Variants in WDR3 observed in about 807,000 individuals in gnomAD.
The protein encoded by WDR3 is WD repeat domain 3.
Under a neutral mutation model 123.7 loss-of-function variants are expected in WDR3, and 81 were observed. That is an observed-to-expected ratio of 0.65 (90% CI 0.55 to 0.79). The LOEUF is 0.79. Ranked by LOEUF, WDR3 falls within the 30% of genes least tolerant of loss-of-function variation. The pLI, the probability that WDR3 is intolerant of heterozygous loss-of-function variation, is 0.00. For missense variants in WDR3, 1,027 were observed against 1,123.2 expected, an observed-to-expected ratio of 0.91 and a Z score of 1.22; for synonymous variants, 390 against 388.8, an observed-to-expected ratio of 1.00 and a Z score of -0.04.
At chr1:117,934,780 G>A in intron 3 of WDR3, 98 bp downstream of exon 3, 1 of 1,215,026 alleles carries the variant, frequency 8.2e-7, no homozygotes, top group South Asian at 1.4e-5. Flanking sequence ...AAAACAATGG[G>A]CTGTCAATAT....
In WDR3 at chr1:117,948,414, C is replaced by CTGCAA. The variant is rs771793834; in HGVS notation, c.1436_1437insATGCA (p.Leu480CysfsTer15). On this transcript the variant is annotated frameshift_variant, in exon 13 of 27. Coordinates refer to ENST00000349139, the MANE Select transcript of WDR3 (RefSeq NM_006784.3). LOFTEE classifies it high-confidence loss of function. ...TTTTGTGTCTTCCCAGACAGGGAAG[C>CTGCAA]TGCAGCTTTATGACTTGGCTTCAGG... is the stretch of plus-strand genomic sequence containing the variant. 1 of 1,613,986 alleles carries CTGCAA rather than the reference C, an allele frequency of 6.2e-7. No individual in the cohort carries two copies. Among genetic ancestry groups the CTGCAA allele is most frequent in the South Asian group, 1.1e-5 (1 of 91,036 alleles).
intron 7 of WDR3, 21 bp from the exon 8 acceptor site, chr1:117,941,103 C>T (rs1480072105): frequency 6.2e-7 from 1 of 1,613,002 alleles, no homozygotes; most frequent in Non-Finnish European, 8.5e-7. Flanking sequence ...TAACCTTCAT[C>T]TGCTCTTGCT....
rs1471064357 is a variant in WDR3, at chr1:117,963,154, T to G, written c.*3707T>G. On this transcript the variant is annotated 3_prime_UTR_variant, in exon 27 of 27. Coordinates refer to ENST00000349139, the MANE Select transcript of WDR3 (RefSeq NM_006784.3). ...ACAGTCACTGAGCCCAACTCTTACA[T>G]AGGGCCTGGCAGTGTTGCCCTTGTG... 6.6e-6 allele frequency: 1 copy of G among 152,158 alleles called. No individual in the cohort carries two copies. Among genetic ancestry groups the G allele is most frequent in the Non-Finnish European group, 1.5e-5 (1 of 68,040 alleles). The allele number at this position is 152,158 out of a possible 1,614,324, so 9.4% of individuals were successfully genotyped here. A position where few individuals can be genotyped will look rare whatever the true frequency, so the allele number is the denominator to read the frequency against.
intron 2 of WDR3, 56 bp downstream of exon 2, chr1:117,933,546 G>T: frequency 6.2e-7 from 1 of 1,602,318 alleles, no homozygotes; most frequent in Non-Finnish European, 8.5e-7. Context: ...GGATGGAGAG[G>T]TAGTAGAAGT....
At chr1:117,943,923 C>T (rs564202055) in intron 11 of WDR3, among the ~76,000 whole-genome samples, 20 of 152,222 alleles carry the variant, frequency 1.3e-4, no homozygotes, top group African/African-American at 4.6e-4. Context: ...GCTGTTATTG[C>T]TGCCCAGTAA....
rs956875008 is a variant in WDR3 at position 117,952,355 on chromosome 1, C to A, written c.1963C>A (p.His655Asn). The change falls in exon 18 of 27, where the codon CAT becomes AAT. Residue 655 changes from histidine to asparagine, a missense_variant. Transcript: ENST00000349139. Reference sequence around the variant, plus strand: ...CCTCTTCTTCACTGCCGGAAAAGATCATAAGATTAAACAGTGGGATGCAGA... The same window carrying A: ...CCTCTTCTTCACTGCCGGAAAAGATAATAAGATTAAACAGTGGGATGCAGA... ...SHLFFTAGKD[H>N]KIKQWDADKF... The A allele has an allele frequency of 6.2e-7, 1 of 1,613,318 alleles. No individual in the cohort carries two copies. Among genetic ancestry groups the A allele is most frequent in the African/African-American group, 1.3e-5 (1 of 74,898 alleles).
intron 1 of WDR3, among the ~76,000 whole-genome samples, chr1:117,932,360 G>C (rs2101188793): frequency 6.6e-6 from 1 of 152,314 alleles, no homozygotes; most frequent in Non-Finnish European, 1.5e-5. Flanking sequence ...AGCATCACTT[G>C]GAAACTTGTT....
In WDR3 at chr1:117,949,755, G is replaced by C. The variant is rs1411877939; in HGVS notation, c.1529G>C (p.Gly510Ala). 6.2e-7 allele frequency: 1 copy of C among 1,612,870 alleles called. No individual in the cohort carries two copies. The highest frequency in any genetic ancestry group is 1.1e-5 in the South Asian group (1 of 90,830). ...WSMSLSPDQR[G>A]FVTGGADKSV... The stretch of plus-strand genomic sequence containing the variant: ...GAAATTTCATTTGATTTTCAGCGTG[G>C]CTTTGTGACAGGTGGTGCAGATAAA... The change falls in exon 14 of 27, where the codon GGC becomes GCC. Residue 510 changes from glycine to alanine, a missense_variant. By Grantham distance (60) the Gly-to-Ala change is moderately conservative (BLOSUM62 0). Coordinates refer to ENST00000349139, the MANE Select transcript of WDR3 (RefSeq NM_006784.3).
intron 12 of WDR3, among the ~76,000 whole-genome samples, chr1:117,947,230 G>T (rs1441343651): frequency 6.6e-6 from 1 of 152,198 alleles, no homozygotes; most frequent in Non-Finnish European, 1.5e-5. Flanking sequence ...AGAGCTGGTA[G>T]CAGACATAGC....
rs747652927 is a variant in WDR3, at chr1:117,952,969, G to T, written c.2175G>T (p.Glu725Asp). The T allele has an allele frequency of 6.2e-7, 1 of 1,613,204 alleles. No homozygotes were observed. The highest frequency in any genetic ancestry group is 1.1e-5 in the South Asian group (1 of 91,040). ...REMEREAEYEESVAKEDQPAV... is the reference protein window; with the variant it reads ...REMEREAEYEDSVAKEDQPAV... Reference sequence around the variant, plus strand: ...AGGAAAGAGAAGCAGAATATGAGGAGAGTGTGGCCAAAGAAGACCAACCAG... The same window carrying T: ...AGGAAAGAGAAGCAGAATATGAGGATAGTGTGGCCAAAGAAGACCAACCAG... The change falls in exon 20 of 27, where the codon GAG becomes GAT. Residue 725 changes from glutamate (E) to aspartate (D), a missense_variant. Coordinates refer to ENST00000349139, the MANE Select transcript of WDR3 (RefSeq NM_006784.3).
At chr1:117,942,636 A>AT in intron 10 of WDR3, 92 bp downstream of exon 10, 1 of 1,157,076 alleles carries the variant, frequency 8.6e-7, no homozygotes. Context: ...GTCTGTATGA[A>AT]TTATATATGT....
chr1:117,933,372 T>A lies in WDR3; in HGVS notation c.53T>A (p.Val18Asp). The A allele has an allele frequency of 6.2e-7, 1 of 1,614,188 alleles. No homozygotes were observed. Among genetic ancestry groups the A allele is most frequent in the Non-Finnish European group, 8.5e-7 (1 of 1,180,032 alleles). The part of the protein sequence containing the change: ...LRYVASAVFG[V>D]IGSQKGNIVF... ...TATGTTGCTAGTGCGGTCTTTGGCG[T>A]TATCGGCAGCCAAAAAGGTAATATT... Residue 18 changes from valine to aspartate, a missense_variant, in exon 2 of 27, where the codon GTT becomes GAT. Val to Asp is a radical substitution (Grantham distance 152, BLOSUM62 -3). Coordinates refer to ENST00000349139, the MANE Select transcript of WDR3 (RefSeq NM_006784.3).
chr1:117,950,270 GT>G lies in WDR3; in HGVS notation c.1746+141del, dbSNP rs1651563962. The G allele has an allele frequency of 5.6e-6, 6 of 1,064,004 alleles. No homozygotes were observed. The South Asian group carries it at 9.3e-5, about 17-fold the overall frequency. The allele number at this position is 1,064,004 out of a possible 1,614,324, so 65.9% of individuals were successfully genotyped here. ...AAATGTGTGTGTGAATCAAAGCAAT[GT>G]AACTATGCTAGGGAAGCTAGCATTT... On this transcript the variant is annotated intron_variant, in intron 15 of 26. Transcript: ENST00000349139.
In WDR3 at chr1:117,964,221, A is replaced by G. The variant is rs1557839963; in HGVS notation, c.*4774A>G. 2 of 226,396 alleles carry G rather than the reference A, an allele frequency of 8.8e-6. No homozygotes were observed. Among genetic ancestry groups the G allele is most frequent in the African/African-American group, 4.6e-5 (2 of 43,386 alleles). 14.0% of individuals were successfully genotyped at this position (226,396 alleles called of 1,614,324 possible). ...TATGGTCAAGCCCCAAACCATATCTACATCAGATTTCATGCTTTTTTTTTT... is the reference window on the plus strand; with the variant it reads ...TATGGTCAAGCCCCAAACCATATCTGCATCAGATTTCATGCTTTTTTTTTT... On this transcript the variant is annotated 3_prime_UTR_variant, in exon 27 of 27. Transcript: ENST00000349139.
At chr1:117,942,994 C>A (rs915519452) in intron 10 of WDR3, among the ~76,000 whole-genome samples, 7 of 151,330 alleles carry the variant, frequency 4.6e-5, no homozygotes, top group African/African-American at 7.3e-5. Context: ...GCTCTGTTGC[C>A]CAGGCTGGAG....
At chr1:117,934,335 G>A (rs1357653044) in intron 2 of WDR3, 138 bp from the exon 3 acceptor site, 1 of 755,872 alleles carries the variant, frequency 1.3e-6, no homozygotes, top group Non-Finnish European at 2.1e-6. Context: ...GAAATGGATT[G>A]TGGAGTTTCA....
rs1397034408 is a variant in WDR3, at chr1:117,950,077, G to C, written c.1693G>C (p.Ala565Pro). ...TTACTCTCCCAATCAAAAGCTATTG[G>C]CTGTGTCTTTGCTGGACTGTACTGT... ...VSYSPNQKLL[A>P]VSLLDCTVKI... The change falls in exon 15 of 27, where the codon GCT becomes CCT. Residue 565 changes from alanine (A) to proline (P), a missense_variant. Transcript: ENST00000349139. The C allele has an allele frequency of 6.2e-7, 1 of 1,613,732 alleles. No homozygotes were observed. Among genetic ancestry groups the C allele is most frequent in the Non-Finnish European group, 8.5e-7 (1 of 1,179,888 alleles).
chr1:117,942,511 G>A lies in WDR3; in HGVS notation c.1064G>A (p.Arg355Gln), dbSNP rs765176394. The A allele has an allele frequency of 6.3e-5, 102 of 1,613,760 alleles. 2 individuals carry two copies. Among genetic ancestry groups the A allele is most frequent in the South Asian group, 3.1e-4 (28 of 91,070 alleles). Residue 355 changes from arginine (R) to glutamine (Q), a missense_variant, in exon 10 of 27, where the codon CGG becomes CAG. Coordinates refer to ENST00000349139, the MANE Select transcript of WDR3 (RefSeq NM_006784.3). ...VEMSLQDEIQ[R>Q]VTNIKTSAKI... Reference sequence around the variant, plus strand: ...ATGAGTCTGCAAGATGAAATCCAGCGGGTGACTAATATAAAAACTTCTGCC... The same window carrying A: ...ATGAGTCTGCAAGATGAAATCCAGCAGGTGACTAATATAAAAACTTCTGCC...
chr1:117,955,763 CAA>C (rs201854117), intron 24 of WDR3, among the ~76,000 whole-genome samples: 1 of 141,574 alleles, frequency 7.1e-6, no homozygotes, highest in African/African-American at 2.6e-5. Context: ...TCATATTCTT[CAA>C]AAAAAAAAAA....
Sources: gnomAD v4.1 joint callset for allele counts (sites outside exome capture counted in the v4.1 genomes callset) on GRCh38, gnomAD v4.1.1 for gene constraint, MANE v1.5 for transcripts, NCBI Gene and HGNC (gene_info 2026-07-23, HGNC 2026-07-21) for gene names.